Variants in MYO1E observed in about 807,000 individuals in gnomAD.
The protein encoded by MYO1E is myosin IE, also known as unconventional myosin-Ie.
Under a neutral mutation model 151.1 loss-of-function variants are expected in MYO1E, and 68 were observed. The observed-to-expected ratio is 0.45, with a 90% CI of 0.37 to 0.55. MYO1E has a LOEUF of 0.55. Ranked by LOEUF, MYO1E falls within the 20% of genes least tolerant of loss-of-function variation. MYO1E has a pLI of 0.00. For synonymous variants in MYO1E, 601 were observed against 501.7 expected (o/e 1.20, Z -2.64); for missense variants, 1,363 against 1,389.3 (o/e 0.98, Z 0.30).
In MYO1E at chr15:59,138,284, T is replaced by G; in HGVS notation, c.3164A>C (p.Gln1055Pro). 6.2e-7 allele frequency: 1 copy of G among 1,614,260 alleles called. No homozygotes were observed. Among genetic ancestry groups the G allele is most frequent in the Non-Finnish European group, 8.5e-7 (1 of 1,180,038 alleles). The change falls in exon 27 of 28, where the codon CAG (glutamine) becomes CCG (proline). Residue 1055 changes from glutamine to proline, a missense_variant. Coordinates refer to ENST00000288235, the MANE Select transcript of MYO1E (RefSeq NM_004998.4). ...GTCATAGGCATACAAAGCCTTGCAC[T>G]GTGGCACCTGAGGCTTGGGCTTGGG... ...PQPKPKPQVP[Q>P]CKALYAYDAQ...
At chr15:59,327,477 TTTA>T (rs1191967996) in intron 1 of MYO1E, among the ~76,000 whole-genome samples, 1 of 151,822 alleles carries the variant, frequency 6.6e-6, no homozygotes, top group Admixed American at 6.6e-5. Context: ...TCTGGCTATT[TTTA>T]TTATTATTAT....
chr15:59,276,965 G>T (rs866914895), intron 1 of MYO1E, among the ~76,000 whole-genome samples: 1 of 152,184 alleles, frequency 6.6e-6, no homozygotes, highest in Non-Finnish European at 1.5e-5. Context: ...GTCCCAGGGA[G>T]CACTGTTCTT....
chr15:59,221,868 G>T (rs541491847), intron 9 of MYO1E, among the ~76,000 whole-genome samples: 1 of 152,278 alleles, frequency 6.6e-6, no homozygotes, highest in East Asian at 1.9e-4. Context: ...AAAAAATCCA[G>T]TCTACTTCAA....
At position 59,163,272 on chromosome 15, in the gene MYO1E, C is replaced by G. The variant is rs770130521; in HGVS notation, c.2512G>C (p.Glu838Gln). ...TMQDDIFILH[E>Q]QEYDSLLESV... Reference sequence around the variant, plus strand: ...TCAAGCAAACTGTCATACTCTTGCTCATGGAGAATAAAAATGTCATCCTGC... The same window carrying G: ...TCAAGCAAACTGTCATACTCTTGCTGATGGAGAATAAAAATGTCATCCTGC... The change falls in exon 23 of 28, where the codon GAG (glutamate) becomes CAG (glutamine). Residue 838 changes from glutamate (E) to glutamine (Q), a missense_variant. Glu to Gln is a conservative substitution (Grantham distance 29, BLOSUM62 2). Transcript: ENST00000288235. 1.2e-6 allele frequency: 2 copies of G among 1,613,668 alleles called. No individual in the cohort carries two copies. The highest frequency in any genetic ancestry group is 3.3e-5 in the Admixed American group (2 of 59,998).
chr15:59,293,707 G>GT (rs1261755955), intron 1 of MYO1E, among the ~76,000 whole-genome samples: 18 of 152,218 alleles, frequency 1.2e-4, no homozygotes, highest in Admixed American at 3.3e-4. Flanking sequence ...GCCCTCAAAA[G>GT]TTTTTTCATC....
At position 59,136,221 on chromosome 15, in the gene MYO1E, A is replaced by C. The variant is rs2079371905; in HGVS notation, c.*1159T>G. Reference sequence around the variant, plus strand: ...GATTAAGACCCACTCTAATGACTTCATTTTAATTAGTTTTGTTTGTTTGCT... The same window carrying C: ...GATTAAGACCCACTCTAATGACTTCCTTTTAATTAGTTTTGTTTGTTTGCT... On this transcript the variant is annotated 3_prime_UTR_variant, in exon 28 of 28. Transcript: ENST00000288235. The C allele has an allele frequency of 6.5e-6, 1 of 155,030 alleles. No individual in the cohort carries two copies. The highest frequency in any genetic ancestry group is 1.4e-5 in the Non-Finnish European group (1 of 69,692). The allele number at this position is 155,030 out of a possible 1,614,324, so 9.6% of individuals were successfully genotyped here. A position where few individuals can be genotyped will look rare whatever the true frequency, so the allele number is the denominator to read the frequency against.
intron 24 of MYO1E, 34 bp downstream of exon 24, chr15:59,161,039 G>A (rs2079535162): frequency 6.2e-7 from 1 of 1,611,948 alleles, no homozygotes; most frequent in African/African-American, 1.3e-5. Flanking sequence ...GGGAGCGGCG[G>A]CAGTTCTGCC....
At chr15:59,174,344 C>T (rs1263045630) in intron 19 of MYO1E, 104 bp from the exon 20 acceptor site, 4 of 805,856 alleles carry the variant, frequency 5.0e-6, no homozygotes, top group African/African-American at 1.7e-5. Flanking sequence ...CAATGACACA[C>T]ACGGGAAGCA....
intron 1 of MYO1E, among the ~76,000 whole-genome samples, chr15:59,276,729 T>C (rs1376525187): frequency 6.6e-6 from 1 of 152,150 alleles, no homozygotes; most frequent in Non-Finnish European, 1.5e-5. Flanking sequence ...GAACTCGGCC[T>C]TGAGGCTGGG....
chr15:59,366,995 CGCAAAAAAAAAA>C (rs1407576736), intron 1 of MYO1E, among the ~76,000 whole-genome samples: 3 of 107,320 alleles, frequency 2.8e-5, no homozygotes, highest in Non-Finnish European at 5.7e-5. Context: ...GCTGCATTTT[CGCAAAAAAAAAA>C]AAAAAAAAAA....
intron 25 of MYO1E, among the ~76,000 whole-genome samples, chr15:59,154,574 C>T (rs189764712): frequency 3.3e-5 from 5 of 152,220 alleles, no homozygotes; most frequent in African/African-American, 7.2e-5. Flanking sequence ...TCTTCAAGGC[C>T]CACTTTGGTG....
In MYO1E at chr15:59,132,660, C is replaced by G. The variant is rs1385756162; in HGVS notation, c.*4720G>C. On this transcript the variant is annotated 3_prime_UTR_variant, in exon 28 of 28. Transcript: ENST00000288235. ...GATGTATCCATAGTATAGAAGAGCA[C>G]TAACTCTGAACGTGGGTGCTTTGGG... 1 of 152,170 alleles carries G rather than the reference C, an allele frequency of 6.6e-6. No homozygotes were observed. Among genetic ancestry groups the G allele is most frequent in the Non-Finnish European group, 1.5e-5 (1 of 68,032 alleles). 9.4% of individuals were successfully genotyped at this position (152,170 alleles called of 1,614,324 possible).
chr15:59,205,293 G>T, intron 15 of MYO1E, 107 bp downstream of exon 15: 1 of 1,104,620 alleles, frequency 9.1e-7, no homozygotes, highest in Non-Finnish European at 1.4e-6. Flanking sequence ...CTCCTGAGTA[G>T]CTGGGACTAT....
At position 59,195,519 on chromosome 15, in the gene MYO1E, A is replaced by C; in HGVS notation, c.1747T>G (p.Tyr583Asp). 6.2e-7 allele frequency: 1 copy of C among 1,614,116 alleles called. No individual in the cohort carries two copies. The highest frequency in any genetic ancestry group is 1.1e-5 in the South Asian group (1 of 91,076). Residue 583 changes from tyrosine to aspartate, a missense_variant, in exon 17 of 28, where the codon TAC becomes GAC. Physicochemically the swap from Tyr to Asp is radical, Grantham distance 160 (BLOSUM62 -3). Coordinates refer to ENST00000288235, the MANE Select transcript of MYO1E (RefSeq NM_004998.4). The part of the protein sequence containing the change: ...VSTLMKCTPH[Y>D]IRCIKPNETK... ...TCGTTTGGCTTGATGCAGCGAATGT[A>C]GTGGGGCGTACATTTCATCAGGGTG...
chr15:59,188,024 T>A (rs538712259), intron 18 of MYO1E, 94 bp downstream of exon 18: 1 of 942,474 alleles, frequency 1.1e-6, no homozygotes, highest in Non-Finnish European at 1.7e-6. Context: ...TTAAAAGCCA[T>A]TGACTCGTAC....
chr15:59,352,501 T>C (rs773991326), intron 1 of MYO1E, among the ~76,000 whole-genome samples: 3 of 152,218 alleles, frequency 2.0e-5, no homozygotes, highest in African/African-American at 2.4e-5. Flanking sequence ...AATACGCATG[T>C]GTCTAGAAGC....
rs552482519 is a variant in MYO1E, at chr15:59,345,255, A to G, written c.3+27243T>C. 1.7e-3 allele frequency among the ~76,000 whole-genome samples: 169 copies of G among 102,228 alleles called. 3 individuals are homozygous for G. The highest frequency in any genetic ancestry group is 0.014 in the Admixed American group (160 of 11,060). The allele number at this position is 102,228 out of a possible 152,430, so 67.1% of individuals were successfully genotyped here. A position where few individuals can be genotyped will look rare whatever the true frequency, so the allele number is the denominator to read the frequency against. ...GAAGTATTTAAATGAGAGAGAGAGA[A>G]AAAAAAAAAACCTAAGCAAAGTGCA... On this transcript the variant is annotated intron_variant, in intron 1 of 27. Coordinates refer to ENST00000288235, the MANE Select transcript of MYO1E (RefSeq NM_004998.4).
Position 59,358,374 on chromosome 15 carries a change from C to G in MYO1E, c.3+14124G>C, listed in dbSNP as rs137898832. Among the ~76,000 whole-genome samples, 245 of 152,276 alleles carry G rather than the reference C, an allele frequency of 1.6e-3. 1 individual carries two copies. The highest frequency in any genetic ancestry group is 2.6e-3 in the Non-Finnish European group (175 of 68,016). On this transcript the variant is annotated intron_variant, in intron 1 of 27. Transcript: ENST00000288235. ...ACTATGTCTCCTGCCTTCTCCAGCTCTCCTCATCCTTTCCAAGTCCAGATG... is the reference window on the plus strand; with the variant it reads ...ACTATGTCTCCTGCCTTCTCCAGCTGTCCTCATCCTTTCCAAGTCCAGATG...
chr15:59,295,152 G>T (rs2080441430), intron 1 of MYO1E, among the ~76,000 whole-genome samples: 1 of 152,088 alleles, frequency 6.6e-6, no homozygotes, highest in African/African-American at 2.4e-5. Context: ...AGTAATGAAT[G>T]AGACAAAATC....
Sources: allele counts gnomAD v4.1 joint callset (sites outside exome capture counted in the v4.1 genomes callset), GRCh38; gene constraint gnomAD v4.1.1; transcripts MANE v1.5; gene names NCBI Gene and HGNC (gene_info 2026-07-23, HGNC 2026-07-21).